The following RTF1 variants were observed in gnomAD, a reference collection of about 807,000 sequenced individuals.
The protein encoded by RTF1 is RTF1 homolog, Paf1/RNA polymerase II complex component.
Under a neutral mutation model 95.7 loss-of-function variants are expected in RTF1, and 10 were observed. The observed-to-expected ratio is 0.10, with a 90% CI of 0.06 to 0.18. RTF1 has a LOEUF of 0.18. RTF1 is among the 10% of genes least tolerant of loss of function. The pLI, the probability that RTF1 is intolerant of heterozygous loss-of-function variation, is 1.00. For synonymous variants in RTF1, 305 were observed against 311.8 expected, an observed-to-expected ratio of 0.98 and a Z score of 0.23; for missense variants, 458 against 875.6, an observed-to-expected ratio of 0.52 and a Z score of 6.02.
chr15:41,449,293 C>T (rs901968478), intron 2 of RTF1, among the ~76,000 whole-genome samples: 2 of 137,832 alleles, frequency 1.5e-5, no homozygotes, highest in South Asian at 2.3e-4. Context: ...TGCAGTGGTA[C>T]GAACTCGGCT....
chr15:41,435,406 T>C (rs907755648), intron 1 of RTF1, among the ~76,000 whole-genome samples: 5 of 151,976 alleles, frequency 3.3e-5, no homozygotes, highest in Admixed American at 1.3e-4. Flanking sequence ...ACTGGGTCTC[T>C]ACAAGCAAGC....
At chr15:41,445,084 A>G (rs2050754271) in intron 2 of RTF1, among the ~76,000 whole-genome samples, 1 of 151,510 alleles carries the variant, frequency 6.6e-6, no homozygotes, top group Non-Finnish European at 1.5e-5. Flanking sequence ...GGCGCCCACC[A>G]CCAATGCCCA....
intron 1 of RTF1, among the ~76,000 whole-genome samples, chr15:41,434,034 G>A (rs1223245622): frequency 6.6e-6 from 1 of 151,646 alleles, no homozygotes; most frequent in Non-Finnish European, 1.5e-5. Flanking sequence ...TAGTAGAGAT[G>A]CGGTTTCTCC....
At position 41,480,775 on chromosome 15, in the gene RTF1, T is replaced by C. The variant is rs1221683299; in HGVS notation, c.*88T>C. ...TTCCTTTGATTTAGCCTCTTTGGGC[T>C]GGAGCAGCTGTTGAACTGGGAAGAG... On this transcript the variant is annotated 3_prime_UTR_variant, in exon 18 of 18. Coordinates refer to ENST00000389629, the MANE Select transcript of RTF1 (RefSeq NM_015138.5). The C allele has an allele frequency of 1.1e-6, 1 of 941,784 alleles. No homozygotes were observed. Among genetic ancestry groups the C allele is most frequent in the Non-Finnish European group, 1.7e-6 (1 of 583,656 alleles). The allele number at this position is 941,784 out of a possible 1,614,324, so 58.3% of individuals were successfully genotyped here.
chr15:41,438,211 G>A, intron 1 of RTF1, 110 bp from the exon 2 acceptor site: 1 of 655,032 alleles, frequency 1.5e-6, no homozygotes, highest in East Asian at 2.9e-5. Context: ...ATGTCCTTTA[G>A]TTGAAAACAC....
intron 2 of RTF1, among the ~76,000 whole-genome samples, chr15:41,439,479 G>C (rs190809685): frequency 2.0e-5 from 3 of 152,096 alleles, no homozygotes; most frequent in Non-Finnish European, 2.9e-5. Flanking sequence ...CCGAGTGATG[G>C]TGTTAACTTC....
chr15:41,438,338 A>G lies in RTF1; in HGVS notation c.216A>G (p.Ala72=), dbSNP rs1233031279. 1 of 1,550,422 alleles carries G rather than the reference A, an allele frequency of 6.4e-7. No homozygotes were observed. Among genetic ancestry groups the G allele is most frequent in the South Asian group, 1.2e-5 (1 of 84,008 alleles). The change falls in exon 2 of 18, where the codon GCA becomes GCG. Residue 72 remains alanine, a synonymous_variant. Coordinates refer to ENST00000389629, the MANE Select transcript of RTF1 (RefSeq NM_015138.5). ...CCCATTAGGAGCTCTTGTCCCTGGC[A>G]AAGCGAAAGCGCAGTGACTCTGAGG... ...ENLDQELLSL[A]KRKRSDSEEK...
intron 2 of RTF1, among the ~76,000 whole-genome samples, chr15:41,450,477 C>T (rs746612883): frequency 3.1e-4 from 47 of 151,508 alleles, no homozygotes; most frequent in Non-Finnish European, 5.6e-4. Flanking sequence ...CCCAGCTACT[C>T]GGGAGGCTGA....
intron 2 of RTF1, among the ~76,000 whole-genome samples, chr15:41,442,436 G>T (rs2050740550): frequency 1.3e-5 from 2 of 151,790 alleles, no homozygotes; most frequent in Admixed American, 6.6e-5. Context: ...CAAAGTGCTG[G>T]GATCACAGGT....
chr15:41,482,495 G>A lies in RTF1; in HGVS notation c.*1808G>A, dbSNP rs1308544517. 6.6e-6 allele frequency: 1 copy of A among 152,210 alleles called. No individual in the cohort carries two copies. Among genetic ancestry groups the A allele is most frequent in the Admixed American group, 6.6e-5 (1 of 15,256 alleles). 9.4% of individuals were successfully genotyped at this position (152,210 alleles called of 1,614,324 possible). A position where few individuals can be genotyped will look rare whatever the true frequency, so the allele number is the denominator to read the frequency against. On this transcript the variant is annotated 3_prime_UTR_variant, in exon 18 of 18. Coordinates refer to ENST00000389629, the MANE Select transcript of RTF1 (RefSeq NM_015138.5). ...ATAAAAATGAACTTGGTAACTTCTG[G>A]GTTTAGTAGAGCCTCAGTGTCGCTT...
intron 3 of RTF1, 83 bp downstream of exon 3, chr15:41,453,131 G>A (rs376890389): frequency 2.5e-6 from 3 of 1,205,590 alleles, no homozygotes; most frequent in African/African-American, 3.1e-5. Flanking sequence ...GGGAGGAAGG[G>A]GGGTACTTGC....
At chr15:41,428,257 C>CG (rs2050647933) in intron 1 of RTF1, among the ~76,000 whole-genome samples, 2 of 95,936 alleles carry the variant, frequency 2.1e-5, no homozygotes, top group East Asian at 3.2e-4. Flanking sequence ...ACTGATATCC[C>CG]TTTTTTTTTT....
At position 41,422,035 on chromosome 15, in the gene RTF1, GTTTA is replaced by G. The variant is rs998087392; in HGVS notation, c.198+4734_198+4737del. Among the ~76,000 whole-genome samples the G allele has an allele frequency of 6.1e-5, 9 of 146,896 alleles. No individual in the cohort carries two copies. In the East Asian group the frequency reaches 7.7e-4, roughly 13 times the overall value. On this transcript the variant is annotated intron_variant, in intron 1 of 17. Transcript: ENST00000389629. Reference sequence around the variant, plus strand: ...GCCTTATTTATTTATTTGTTTGTTTGTTTATTTATTTATTTTTGAGATGGAGTCT... The same window carrying G: ...GCCTTATTTATTTATTTGTTTGTTTGTTTATTTATTTTTGAGATGGAGTCT...
At chr15:41,479,831 C>G (rs2050961406) in intron 16 of RTF1, among the ~76,000 whole-genome samples, 1 of 150,934 alleles carries the variant, frequency 6.6e-6, no homozygotes. Flanking sequence ...CCGTTGTACT[C>G]CAGCCTAGGT....
intron 8 of RTF1, among the ~76,000 whole-genome samples, chr15:41,472,355 C>T (rs539158186): frequency 8.0e-5 from 12 of 149,430 alleles, no homozygotes; most frequent in East Asian, 4.0e-4. Context: ...TACAGGCACC[C>T]GCCACCGTGC....
chr15:41,454,931 T>C (rs1415598737), intron 3 of RTF1, among the ~76,000 whole-genome samples: 1 of 152,196 alleles, frequency 6.6e-6, no homozygotes, highest in Admixed American at 6.5e-5. Flanking sequence ...GACAAAATTT[T>C]CATCACCACC....
intron 1 of RTF1, among the ~76,000 whole-genome samples, chr15:41,425,898 AG>A (rs906870760): frequency 5.9e-5 from 9 of 152,282 alleles, no homozygotes; most frequent in African/African-American, 2.2e-4. Flanking sequence ...GAGCAGGTTT[AG>A]AGGTGAAGAT....
In RTF1 at chr15:41,417,102, G is replaced by A; in HGVS notation, c.-14G>A. 2.4e-6 allele frequency: 3 copies of A among 1,233,938 alleles called. No homozygotes were observed. Among genetic ancestry groups the A allele is most frequent in the Non-Finnish European group, 3.0e-6 (3 of 985,642 alleles). The allele number at this position is 1,233,938 out of a possible 1,614,324, so 76.4% of individuals were successfully genotyped here. A position where few individuals can be genotyped will look rare whatever the true frequency, so the allele number is the denominator to read the frequency against. On this transcript the variant is annotated 5_prime_UTR_variant, in exon 1 of 18. Coordinates refer to ENST00000389629, the MANE Select transcript of RTF1 (RefSeq NM_015138.5). ...GAGCAGGGGGCGGGGCCAGGGGGGCGGAGCGGAGCGCGCATGCGCGGTCGC... is the reference window on the plus strand; with the variant it reads ...GAGCAGGGGGCGGGGCCAGGGGGGCAGAGCGGAGCGCGCATGCGCGGTCGC...
At chr15:41,450,867 C>T (rs886504874) in intron 2 of RTF1, among the ~76,000 whole-genome samples, 4 of 151,972 alleles carry the variant, frequency 2.6e-5, no homozygotes, top group African/African-American at 9.7e-5. Flanking sequence ...AGGAGGATCA[C>T]TTGAACCTGG....
Sources: gnomAD v4.1 joint callset for allele counts (sites outside exome capture counted in the v4.1 genomes callset) on GRCh38, gnomAD v4.1.1 for gene constraint, MANE v1.5 for transcripts, NCBI Gene and HGNC (gene_info 2026-07-23, HGNC 2026-07-21) for gene names.